CENPC: variants seen among roughly 807,000 people sequenced by gnomAD.
CENPC encodes the protein CENP-C 1.
In CENPC, 63 loss-of-function variants were observed where a neutral mutation model predicts 112.1. That is an observed-to-expected ratio of 0.56 (90% CI 0.46 to 0.69). The LOEUF is 0.69. CENPC is among the 30% of genes least tolerant of loss of function. The pLI is 0.00. For missense variants in CENPC, 1,000 were observed against 1,103.8 expected, an observed-to-expected ratio of 0.91 and a Z score of 1.33; for synonymous variants, 333 against 367.6, an observed-to-expected ratio of 0.91 and a Z score of 1.08.
At chr4:67,492,776 G>T in intron 15 of CENPC, 93 bp downstream of exon 15, 1 of 1,379,946 alleles carries the variant, frequency 7.2e-7, no homozygotes, top group Non-Finnish European at 9.6e-7. Flanking sequence ...TGAAGTTTTT[G>T]GAAGTAAATT....
At chr4:67,486,292 A>G (rs1250258194) in intron 17 of CENPC, among the ~76,000 whole-genome samples, 1 of 152,232 alleles carries the variant, frequency 6.6e-6, no homozygotes, top group Non-Finnish European at 1.5e-5. Flanking sequence ...TTCAAAATAA[A>G]TGCCCAGTAT....
At chr4:67,534,253 T>C (rs934432800) in intron 4 of CENPC, among the ~76,000 whole-genome samples, 1 of 151,962 alleles carries the variant, frequency 6.6e-6, no homozygotes, top group African/African-American at 2.4e-5. Context: ...TTGTCTCTAC[T>C]AAAAATACAA....
In CENPC at chr4:67,520,055, C is replaced by G. The variant is rs570316460; in HGVS notation, c.332-553G>C. On this transcript the variant is annotated intron_variant, in intron 5 of 18. Transcript: ENST00000273853. The stretch of plus-strand genomic sequence containing the variant: ...AGGTTTTCTGTCTGTCTCCCATATA[C>G]CCCTGGACTGGTTGCTAGTATAACC... 2.0e-5 allele frequency among the ~76,000 whole-genome samples: 3 copies of G among 152,124 alleles called. No homozygotes were observed. The South Asian group carries it at 6.2e-4, about 32-fold the overall frequency.
At chr4:67,498,014 T>C (rs915102868) in intron 12 of CENPC, among the ~76,000 whole-genome samples, 1 of 152,024 alleles carries the variant, frequency 6.6e-6, no homozygotes, top group Non-Finnish European at 1.5e-5. Flanking sequence ...GTGGATCACT[T>C]GAGGCCAGGA....
rs749777914 is a variant in CENPC, at chr4:67,508,992, T to C, written c.1726A>G (p.Ile576Val). ...GCTGTCTTCTGCCTTTTAAGTGGAATAGTTTTTTTCCTAATATTCTTAGAT... is the reference window on the plus strand; with the variant it reads ...GCTGTCTTCTGCCTTTTAAGTGGAACAGTTTTTTTCCTAATATTCTTAGAT... Reference protein sequence around the residue: ...QSSKNIRKKTIPLKRQKTATK... With the variant: ...QSSKNIRKKTVPLKRQKTATK... The change falls in exon 10 of 19, where the codon ATT (isoleucine) becomes GTT (valine). Residue 576 changes from isoleucine (I) to valine (V), a missense_variant. Ile to Val is a conservative substitution (Grantham distance 29). Transcript: ENST00000273853. 4.3e-6 allele frequency: 7 copies of C among 1,613,384 alleles called. No homozygotes were observed. Among genetic ancestry groups the C allele is most frequent in the Non-Finnish European group, 5.9e-6 (7 of 1,179,666 alleles).
intron 17 of CENPC, 103 bp from the exon 18 acceptor site, chr4:67,475,081 G>C (rs1300631747): frequency 1.5e-6 from 1 of 661,906 alleles, no homozygotes; most frequent in Non-Finnish European, 2.6e-6. Flanking sequence ...CCACAAATGT[G>C]CTGGCTTTAA....
At chr4:67,488,737 A>G (rs540524811) in intron 17 of CENPC, among the ~76,000 whole-genome samples, 136 of 152,066 alleles carry the variant, frequency 8.9e-4, no homozygotes, top group African/African-American at 3.1e-3. Context: ...GGGACCATCT[A>G]TGCTTTTAAA....
intron 17 of CENPC, among the ~76,000 whole-genome samples, chr4:67,478,539 C>T (rs1168228831): frequency 8.6e-5 from 13 of 151,946 alleles, no homozygotes. Context: ...ACTACAACAA[C>T]TGCTAAAAGG....
intron 6 of CENPC, 62 bp downstream of exon 6, chr4:67,519,155 A>AT (rs1726145045): frequency 2.4e-6 from 3 of 1,252,870 alleles, no homozygotes; most frequent in Non-Finnish European, 2.2e-6. Context: ...TTGAATTACC[A>AT]TTTTTTAATA....
chr4:67,490,867 T>TAGAA (rs1358321476), intron 16 of CENPC, among the ~76,000 whole-genome samples: 123 of 20,700 alleles, frequency 5.9e-3, no homozygotes, highest in Non-Finnish European at 0.018. Flanking sequence ...TATATATATA[T>TAGAA]ATATATATAT....
intron 16 of CENPC, among the ~76,000 whole-genome samples, chr4:67,491,480 T>TATATATATAGAGAGAGAGAG (rs1725270093): frequency 5.5e-5 from 1 of 18,096 alleles, no homozygotes; most frequent in Non-Finnish European, 1.0e-4. Context: ...TATATATATA[T>TATATATATAGAGAGAGAGAG]AGAGAGAGAG....
chr4:67,538,455 T>C (rs1244771961), intron 4 of CENPC, among the ~76,000 whole-genome samples: 1 of 152,076 alleles, frequency 6.6e-6, no homozygotes, highest in African/African-American at 2.4e-5. Flanking sequence ...AATACGACAT[T>C]GAAAAACCAA....
At chr4:67,473,220 C>T (rs1275087755) in intron 18 of CENPC, among the ~76,000 whole-genome samples, 2 of 152,000 alleles carry the variant, frequency 1.3e-5, no homozygotes, top group Non-Finnish European at 2.9e-5. Context: ...CATGAGCCAC[C>T]GCGCCCGGCC....
intron 4 of CENPC, among the ~76,000 whole-genome samples, chr4:67,534,365 G>A (rs1458272603): frequency 4.0e-5 from 6 of 151,608 alleles, no homozygotes; most frequent in Admixed American, 1.3e-4. Context: ...GCAGTGAGCC[G>A]AAATCGTGCC....
intron 17 of CENPC, among the ~76,000 whole-genome samples, chr4:67,489,745 A>C (rs1180822224): frequency 6.6e-6 from 1 of 152,146 alleles, no homozygotes; most frequent in Admixed American, 6.5e-5. Flanking sequence ...AACATTCCTT[A>C]AATTTCTGAA....
intron 9 of CENPC, 123 bp from the exon 10 acceptor site, chr4:67,509,228 ACACACAC>A (rs1725827752): frequency 1.2e-5 from 7 of 595,366 alleles, no homozygotes; most frequent in African/African-American, 5.6e-5. Context: ...ACACACACAC[ACACACAC>A]ACACACACAC....
chr4:67,478,094 AAGAAG>A (rs1035312671), intron 17 of CENPC, among the ~76,000 whole-genome samples: 2 of 152,274 alleles, frequency 1.3e-5, no homozygotes, highest in African/African-American at 4.8e-5. Flanking sequence ...GTTCCTGAGG[AAGAAG>A]AGAAATCTAA....
In CENPC at chr4:67,530,855, T is replaced by C. The variant is rs1430218063; in HGVS notation, c.291A>G (p.Leu97=). 1 of 1,606,994 alleles carries C rather than the reference T, an allele frequency of 6.2e-7. No individual in the cohort carries two copies. Among genetic ancestry groups the C allele is most frequent in the Non-Finnish European group, 8.5e-7 (1 of 1,176,438 alleles). ...CTTCACTTGGTTCTACAACAAACTG[T>C]AGAGAGGCTTCTTTCTTCTTTGAAG... ...PVSSKKKEAS[L]QFVVEPSEAT... Residue 97 remains leucine (L), a synonymous_variant, in exon 5 of 19, where the codon CTA becomes CTG. Coordinates refer to ENST00000273853, the MANE Select transcript of CENPC (RefSeq NM_001812.4).
intron 7 of CENPC, among the ~76,000 whole-genome samples, chr4:67,517,800 G>T (rs2109808747): frequency 6.6e-6 from 1 of 152,214 alleles, no homozygotes; most frequent in Non-Finnish European, 1.5e-5. Context: ...TTGCGTCACT[G>T]CACTCCAGCC....
Sources: gnomAD v4.1 joint callset for allele counts (sites outside exome capture counted in the v4.1 genomes callset) on GRCh38, gnomAD v4.1.1 for gene constraint, MANE v1.5 for transcripts, NCBI Gene and HGNC (gene_info 2026-07-23, HGNC 2026-07-21) for gene names.